The following MEX3C variants were observed in gnomAD, a reference collection of about 807,000 sequenced individuals.
MEX3C encodes the protein mex-3 RNA binding family member C.
A neutral mutation model predicts 35.5 loss-of-function variants in MEX3C; 15 were observed. The observed-to-expected ratio is 0.42, with a 90% CI of 0.28 to 0.65. The LOEUF is 0.65. Ranked by LOEUF, MEX3C falls within the 30% of genes least tolerant of loss-of-function variation. The pLI, the probability that MEX3C is intolerant of heterozygous loss-of-function variation, is 0.20. For synonymous variants in MEX3C, 390 were observed against 352.8 expected (o/e 1.11, Z -1.18); for missense variants, 711 against 842.8 (o/e 0.84, Z 1.94).
chr18:51,190,608 G>A (rs1489510714), intron 1 of MEX3C, among the ~76,000 whole-genome samples: 2 of 152,160 alleles, frequency 1.3e-5, no homozygotes, highest in South Asian at 2.1e-4. Flanking sequence ...CGTACTTACC[G>A]GACAAGGGCA....
At chr18:51,196,084 C>T (rs988904413) in intron 1 of MEX3C, 1 of 160,196 alleles carries the variant, frequency 6.2e-6, no homozygotes, top group Admixed American at 6.1e-5. Flanking sequence ...CCCCTTCCCT[C>T]CCCAGTGAGC....
At chr18:51,186,656 CAA>C (rs1378966324) in intron 1 of MEX3C, among the ~76,000 whole-genome samples, 1 of 152,016 alleles carries the variant, frequency 6.6e-6, no homozygotes. Context: ...ATAAAAGATG[CAA>C]AAGAGACAAG....
chr18:51,188,458 C>T (rs1031499689), intron 1 of MEX3C, among the ~76,000 whole-genome samples: 1 of 151,876 alleles, frequency 6.6e-6, no homozygotes, highest in Admixed American at 6.6e-5. Context: ...ACCAAAAATA[C>T]AAAAAACTAG....
rs1400794873 is a variant in MEX3C at position 51,174,750 on chromosome 18, CAA to C, written c.*1599_*1600del. On this transcript the variant is annotated 3_prime_UTR_variant, in exon 2 of 2. Coordinates refer to ENST00000406189, the MANE Select transcript of MEX3C (RefSeq NM_016626.5). Reference sequence around the variant, plus strand: ...CTATGACTTCCCTACATATACATAACAAAAGAGTGTAGTAAAATTAGCAAATA... The same window carrying C: ...CTATGACTTCCCTACATATACATAACAAGAGTGTAGTAAAATTAGCAAATA... 6.6e-6 allele frequency: 1 copy of C among 152,484 alleles called. No homozygotes were observed. Among genetic ancestry groups the C allele is most frequent in the African/African-American group, 2.4e-5 (1 of 41,394 alleles). 9.4% of individuals were successfully genotyped at this position (152,484 alleles called of 1,614,324 possible). A position where few individuals can be genotyped will look rare whatever the true frequency, so the allele number is the denominator to read the frequency against.
chr18:51,196,393 T>G (rs1299627971), intron 1 of MEX3C, 174 bp downstream of exon 1: 1 of 1,370,986 alleles, frequency 7.3e-7, no homozygotes. Flanking sequence ...AGCGTGGGTT[T>G]TCGCAAGGTG....
chr18:51,195,762 G>A (rs1456122368), intron 1 of MEX3C: 2 of 152,318 alleles, frequency 1.3e-5, no homozygotes, highest in Non-Finnish European at 2.9e-5. Context: ...CTGAGACACA[G>A]GTCCTTTGTC....
intron 1 of MEX3C, among the ~76,000 whole-genome samples, chr18:51,178,304 T>C (rs760077119): frequency 7.2e-5 from 11 of 152,030 alleles, no homozygotes; most frequent in Admixed American, 2.0e-4. Context: ...AAATCCTAAG[T>C]ATATTTAAGT....
At chr18:51,190,397 C>T (rs35708694) in intron 1 of MEX3C, among the ~76,000 whole-genome samples, 14,328 of 152,188 alleles carry the variant, frequency 0.094, 760 homozygotes, top group African/African-American at 0.14. Context: ...GAGATCTTTT[C>T]TAGTTGTTTG....
At chr18:51,192,950 TCTC>T (rs934761943) in intron 1 of MEX3C, 1 of 152,152 alleles carries the variant, frequency 6.6e-6, no homozygotes, top group African/African-American at 2.4e-5. Flanking sequence ...AATATGTACT[TCTC>T]CTTGAAGAGA....
chr18:51,176,534 A>T lies in MEX3C; in HGVS notation c.1797T>A (p.Pro599=). 1 of 1,613,922 alleles carries T rather than the reference A, an allele frequency of 6.2e-7. No individual in the cohort carries two copies. The highest frequency in any genetic ancestry group is 8.5e-7 in the Non-Finnish European group (1 of 1,179,886). Residue 599 remains proline (P), a synonymous_variant, in exon 2 of 2, where the codon CCT becomes CCA. Coordinates refer to ENST00000406189, the MANE Select transcript of MEX3C (RefSeq NM_016626.5). ...AGTCGTGCTTTCGTCTTGATTCTGG[A>T]GGTGAGCTAGAGGTGGAACCACCAT... ...SSNGGSTSSS[P]PESRRKHDCV...
Position 51,197,274 on chromosome 18 carries a change from G to T in MEX3C, c.47C>A (p.Ala16Asp). 3.6e-6 allele frequency: 3 copies of T among 822,134 alleles called. No homozygotes were observed. Among genetic ancestry groups the T allele is most frequent in the Non-Finnish European group, 4.4e-6 (3 of 684,082 alleles). 50.9% of individuals were successfully genotyped at this position (822,134 alleles called of 1,614,324 possible). A position where few individuals can be genotyped will look rare whatever the true frequency, so the allele number is the denominator to read the frequency against. ...CGGCGGGGGCGGCTGCGGCAGGGGG[G>T]CCGGGGCCGCCGCCAGGGCCAGGGC... ...SAALALAAAP[A>D]PLPQPPPPPP... is the part of the protein sequence containing the mutation. The change falls in exon 1 of 2, where the codon GCC becomes GAC. Residue 16 changes from alanine (A) to aspartate (D), a missense_variant. This residue lies in a region of MEX3C where 354 missense variants were observed against 311.6 expected (regional missense o/e 1.14). Transcript: ENST00000406189.
Position 51,176,675 on chromosome 18 carries a change from T to C in MEX3C, c.1656A>G (p.Ile552Met), listed in dbSNP as rs1912311579. The change falls in exon 2 of 2, where the codon ATA becomes ATG. Residue 552 changes from isoleucine to methionine, a missense_variant. Transcript: ENST00000406189. Reference sequence around the variant, plus strand: ...TAACCCTCCGAGCAAGTGGATGTTCTATGCTCTCAGGAAATGTAGGAGACA... The same window carrying C: ...TAACCCTCCGAGCAAGTGGATGTTCCATGCTCTCAGGAAATGTAGGAGACA... ...PRLSPTFPESIEHPLARRVRS... is the reference protein window; with the variant it reads ...PRLSPTFPESMEHPLARRVRS... 2 of 1,614,044 alleles carry C rather than the reference T, an allele frequency of 1.2e-6. No individual in the cohort carries two copies. The highest frequency in any genetic ancestry group is 2.7e-5 in the African/African-American group (2 of 75,066).
intron 1 of MEX3C, among the ~76,000 whole-genome samples, chr18:51,184,455 A>G: frequency 6.6e-6 from 1 of 151,826 alleles, no homozygotes; most frequent in East Asian, 1.9e-4. Flanking sequence ...GCCCTTAAAA[A>G]CTCCACAATC....
At chr18:51,182,342 A>G (rs1912451254) in intron 1 of MEX3C, among the ~76,000 whole-genome samples, 1 of 152,206 alleles carries the variant, frequency 6.6e-6, no homozygotes, top group African/African-American at 2.4e-5. Flanking sequence ...TCGTAGCCTC[A>G]AAGTTGAACA....
At chr18:51,178,803 TGA>T (rs1476748856) in intron 1 of MEX3C, among the ~76,000 whole-genome samples, 1 of 149,866 alleles carries the variant, frequency 6.7e-6, no homozygotes, top group Non-Finnish European at 1.5e-5. Flanking sequence ...GAGGTTGCAG[TGA>T]GCCGAGATTG....
At position 51,196,864 on chromosome 18, in the gene MEX3C, G is replaced by C. The variant is rs1010525206; in HGVS notation, c.457C>G (p.Gln153Glu). ...LLSPPAATAS[Q>E]TQQIPGGSLG... ...GACCCGCCCGGGATCTGCTGGGTCTGAGAGGCGGTGGCCGCGGGCGGCGAC... is the reference window on the plus strand; with the variant it reads ...GACCCGCCCGGGATCTGCTGGGTCTCAGAGGCGGTGGCCGCGGGCGGCGAC... Residue 153 changes from glutamine to glutamate, a missense_variant, in exon 1 of 2, where the codon CAG (glutamine) becomes GAG (glutamate). Transcript: ENST00000406189. 103 of 1,539,464 alleles carry C rather than the reference G, an allele frequency of 6.7e-5. No homozygotes were observed. Among genetic ancestry groups the C allele is most frequent in the Middle Eastern group, 1.7e-4 (1 of 5,774 alleles).
rs1912279744 is a variant in MEX3C, at chr18:51,175,488, A to G, written c.*863T>C. The stretch of plus-strand genomic sequence containing the variant: ...AAAATATATTTATAATGTGCAAGAC[A>G]AATATGGATTGAACATAAAATGTTT... On this transcript the variant is annotated 3_prime_UTR_variant, in exon 2 of 2. Transcript: ENST00000406189. 6.5e-6 allele frequency: 1 copy of G among 152,678 alleles called. No homozygotes were observed. Among genetic ancestry groups the G allele is most frequent in the African/African-American group, 2.4e-5 (1 of 41,472 alleles). 9.5% of individuals were successfully genotyped at this position (152,678 alleles called of 1,614,324 possible). A position where few individuals can be genotyped will look rare whatever the true frequency, so the allele number is the denominator to read the frequency against.
intron 1 of MEX3C, chr18:51,193,794 G>A (rs1221680935): frequency 6.6e-6 from 1 of 152,180 alleles, no homozygotes; most frequent in African/African-American, 2.4e-5. Flanking sequence ...TATCAAAAGC[G>A]GTAGTTTGTG....
chr18:51,186,109 G>C (rs925601880), intron 1 of MEX3C, among the ~76,000 whole-genome samples: 2 of 152,112 alleles, frequency 1.3e-5, no homozygotes, highest in Non-Finnish European at 2.9e-5. Context: ...TATCAATTGT[G>C]AGATAAAGTG....
Sources: allele counts gnomAD v4.1 joint callset (sites outside exome capture counted in the v4.1 genomes callset), GRCh38; gene constraint gnomAD v4.1.1; regional missense constraint gnomAD v4.1.1; transcripts MANE v1.5; gene names NCBI Gene and HGNC (gene_info 2026-07-23, HGNC 2026-07-21).